The following CDH2 variants were observed in gnomAD, a reference collection of about 807,000 sequenced individuals.
The protein encoded by CDH2 is cadherin 2.
CDH2 carries 17 observed loss-of-function variants against 92.0 expected under a neutral mutation model. The ratio of observed to expected loss-of-function variants is 0.18; its 90% CI spans 0.13 to 0.28. The LOEUF (loss-of-function observed/expected upper bound fraction) is 0.28, where lower values mean the gene tolerates loss of function less well. Among genes scored for constraint, CDH2 ranks in the 10% least tolerant of loss-of-function variants. The pLI is 1.00. For synonymous variants in CDH2, 419 were observed against 415.9 expected, an observed-to-expected ratio of 1.01 and a Z score of -0.09; for missense variants, 862 against 1,133.1, an observed-to-expected ratio of 0.76 and a Z score of 3.44.
At chr18:28,125,420 A>C (rs1322107340) in intron 2 of CDH2, among the ~76,000 whole-genome samples, 2 of 152,144 alleles carry the variant, frequency 1.3e-5, no homozygotes, top group African/African-American at 4.8e-5. Context: ...GAGTAAAAAA[A>C]AATTTTTTTT....
At chr18:28,081,902 T>C (rs577779391) in intron 2 of CDH2, among the ~76,000 whole-genome samples, 44 of 152,312 alleles carry the variant, frequency 2.9e-4, no homozygotes, top group African/African-American at 1.1e-3. Context: ...GATCAAATTA[T>C]ATAACATAAG....
intron 4 of CDH2, 78 bp downstream of exon 4, chr18:28,011,768 G>T: frequency 7.1e-7 from 1 of 1,401,480 alleles, no homozygotes; most frequent in Non-Finnish European, 9.9e-7. Flanking sequence ...ATTCTACTTT[G>T]TAAAAAAAAT....
At chr18:28,160,879 C>T (rs1036241385) in intron 1 of CDH2, among the ~76,000 whole-genome samples, 2 of 152,116 alleles carry the variant, frequency 1.3e-5, no homozygotes, top group South Asian at 2.1e-4. Context: ...TCATGCATAC[C>T]GGGTTTTCTT....
chr18:28,048,476 T>C (rs1367183548), intron 2 of CDH2, among the ~76,000 whole-genome samples: 1 of 152,148 alleles, frequency 6.6e-6, no homozygotes, highest in Non-Finnish European at 1.5e-5. Context: ...CGATAAATAA[T>C]GATTCTGGTT....
At chr18:28,088,289 A>G (rs1365242913) in intron 2 of CDH2, among the ~76,000 whole-genome samples, 1 of 152,200 alleles carries the variant, frequency 6.6e-6, no homozygotes, top group African/African-American at 2.4e-5. Flanking sequence ...GAAGATATAA[A>G]CAAAAATCAC....
chr18:28,135,389 A>G (rs1321289076), intron 2 of CDH2, among the ~76,000 whole-genome samples: 1 of 152,206 alleles, frequency 6.6e-6, no homozygotes, highest in Non-Finnish European at 1.5e-5. Context: ...ATAATAAATT[A>G]TAATTGTTGT....
intron 14 of CDH2, among the ~76,000 whole-genome samples, chr18:27,967,207 T>C (rs17468047): frequency 0.03 from 4,526 of 152,236 alleles, 98 homozygotes; most frequent in African/African-American, 0.05. Context: ...ACTGCAAATA[T>C]GGGACATAAA....
intron 1 of CDH2, among the ~76,000 whole-genome samples, chr18:28,164,665 GAC>G (rs143584290): frequency 2.0e-4 from 30 of 150,940 alleles, no homozygotes; most frequent in African/African-American, 6.3e-4. Flanking sequence ...CACACACACA[GAC>G]ACACACACAC....
intron 14 of CDH2, among the ~76,000 whole-genome samples, chr18:27,972,983 G>C (rs1266212940): frequency 2.0e-5 from 3 of 152,168 alleles, no homozygotes; most frequent in African/African-American, 7.2e-5. Flanking sequence ...AAAAGTGTGA[G>C]AGTGTGGTAC....
intron 2 of CDH2, among the ~76,000 whole-genome samples, chr18:28,051,640 A>AG (rs2014193163): frequency 2.0e-5 from 3 of 152,132 alleles, no homozygotes; most frequent in Non-Finnish European, 4.4e-5. Flanking sequence ...CTTACTCAAA[A>AG]TATGTCTCTT....
chr18:27,947,508 AAG>A (rs1385735703), downstream of CDH2, among the ~76,000 whole-genome samples: 1 of 151,864 alleles, frequency 6.6e-6, no homozygotes, highest in Non-Finnish European at 1.5e-5. Context: ...ATGCGAAAAA[AAG>A]AACGTAAGAA....
chr18:28,000,667 G>A (rs2012737380), intron 7 of CDH2, among the ~76,000 whole-genome samples: 1 of 152,090 alleles, frequency 6.6e-6, no homozygotes, highest in Non-Finnish European at 1.5e-5. Flanking sequence ...GAGGACAGAT[G>A]GGAACAAATG....
chr18:28,122,886 T>C (rs185922190), intron 2 of CDH2, among the ~76,000 whole-genome samples: 29 of 152,298 alleles, frequency 1.9e-4, no homozygotes, highest in African/African-American at 6.5e-4. Flanking sequence ...CAGTCATGTA[T>C]TAAAAATGAG....
intron 2 of CDH2, among the ~76,000 whole-genome samples, chr18:28,059,803 CA>C (rs2014364766): frequency 6.6e-6 from 1 of 152,208 alleles, no homozygotes; most frequent in African/African-American, 2.4e-5. Context: ...CACACATACA[CA>C]TTTGTTTGAA....
chr18:28,116,701 T>C (rs2015501555), intron 2 of CDH2, among the ~76,000 whole-genome samples: 1 of 152,200 alleles, frequency 6.6e-6, no homozygotes, highest in Admixed American at 6.5e-5. Flanking sequence ...TGTTTGTCTT[T>C]GATCTTGAGC....
chr18:28,175,596 C>T (rs926798518), intron 1 of CDH2, among the ~76,000 whole-genome samples: 1 of 152,168 alleles, frequency 6.6e-6, no homozygotes, highest in Non-Finnish European at 1.5e-5. Flanking sequence ...CAGCCCCGTC[C>T]AGCCCCTGCC....
intron 1 of CDH2, among the ~76,000 whole-genome samples, chr18:28,173,983 G>A (rs1456964453): frequency 6.6e-6 from 1 of 152,026 alleles, no homozygotes; most frequent in African/African-American, 2.4e-5. Flanking sequence ...CTTAAAATAA[G>A]ACTAAAGAAA....
intron 2 of CDH2, among the ~76,000 whole-genome samples, chr18:28,051,829 T>C (rs1412737712): frequency 6.6e-6 from 1 of 152,108 alleles, no homozygotes; most frequent in Admixed American, 6.5e-5. Context: ...ATAATGATAA[T>C]TATGTCATAG....
chr18:27,993,390 T>C (rs1169826388), intron 8 of CDH2, 110 bp downstream of exon 8: 8 of 1,051,536 alleles, frequency 7.6e-6, no homozygotes, highest in Non-Finnish European at 9.8e-6. Flanking sequence ...GCCATGCTAC[T>C]ATTAGGTGAA....
Sources: allele counts gnomAD v4.1 joint callset (sites outside exome capture counted in the v4.1 genomes callset), GRCh38; gene constraint gnomAD v4.1.1; transcripts MANE v1.5; gene names NCBI Gene and HGNC (gene_info 2026-07-23, HGNC 2026-07-21).